The following DMD variants were observed in gnomAD, a reference collection of about 807,000 sequenced individuals.
DMD encodes the protein dystrophin.
Under a neutral mutation model 330.1 loss-of-function variants are expected in DMD, and 63 were observed. The observed-to-expected ratio is 0.19, with a 90% confidence interval of 0.16 to 0.24. The LOEUF is 0.24. DMD is among the 10% of genes least tolerant of loss of function. DMD has a pLI of 1.00. For missense variants in DMD, 3,344 were observed against 2,684.1 expected, an observed-to-expected ratio of 1.25 and a Z score of -5.43; for synonymous variants, 1,223 against 959.8, an observed-to-expected ratio of 1.27 and a Z score of -5.07.
At chrX:31,596,065 A>C (rs2148170083) in intron 55 of DMD, among the ~76,000 whole-genome samples, 1 of 111,696 alleles carries the variant, frequency 9.0e-6, no homozygotes, top group Admixed American at 9.6e-5. Context: ...AAAAAGCTCA[A>C]ATCACAAAAG....
At chrX:32,862,087 A>T (rs1008708805) in intron 2 of DMD, among the ~76,000 whole-genome samples, 2 of 111,792 alleles carry the variant, frequency 1.8e-5, no homozygotes, top group African/African-American at 6.5e-5. Context: ...GTAGGTATTT[A>T]TTCATTATTC....
At chrX:33,091,425 T>G (rs1299754341) in intron 1 of DMD, among the ~76,000 whole-genome samples, 1 of 111,789 alleles carries the variant, frequency 8.9e-6, no homozygotes, top group Non-Finnish European at 1.9e-5. Flanking sequence ...TGTAAAAGGT[T>G]GTATGTAAAG....
chrX:31,266,159 C>CAAAAACAAAAAAA (rs2051053102), intron 62 of DMD, among the ~76,000 whole-genome samples: 1 of 13,333 alleles, frequency 7.5e-5, no homozygotes, highest in African/African-American at 3.7e-4. Context: ...TCCCGAAGGG[C>CAAAAACAAAAAAA]AAAAAAAAAA....
chrX:33,193,106 A>G (rs1219029916), intron 1 of DMD, among the ~76,000 whole-genome samples: 2 of 111,944 alleles, frequency 1.8e-5, no homozygotes, highest in Admixed American at 9.5e-5. Context: ...CAGAAGTTCA[A>G]GACCAGCCTG....
At chrX:32,335,533 A>G (rs1218245538) in intron 41 of DMD, among the ~76,000 whole-genome samples, 1 of 102,546 alleles carries the variant, frequency 9.8e-6, no homozygotes, top group Admixed American at 1.1e-4. Flanking sequence ...TATATATAAA[A>G]CATGTTATAT....
intron 52 of DMD, among the ~76,000 whole-genome samples, chrX:31,726,975 C>T (rs747040789): frequency 1.8e-5 from 2 of 110,995 alleles, no homozygotes; most frequent in Non-Finnish European, 3.8e-5. Context: ...ACTTGCCCTC[C>T]GGTCATTCAA....
intron 43 of DMD, among the ~76,000 whole-genome samples, chrX:32,243,928 T>C (rs974001068): frequency 2.9e-5 from 3 of 101,797 alleles, no homozygotes; most frequent in Non-Finnish European, 5.9e-5. Context: ...CTTGCATTTG[T>C]ATGAAAATTC....
Position 31,830,611 on chromosome X carries a change from C to A in DMD, c.7200+6107G>T, listed in dbSNP as rs765545678. Among the ~76,000 whole-genome samples the A allele has an allele frequency of 3.0e-3, 340 of 111,728 alleles. 1 individual carries two copies. The highest frequency in any genetic ancestry group is 0.011 in the African/African-American group (326 of 30,786). On this transcript the variant is annotated intron_variant, in intron 49 of 78. Coordinates refer to ENST00000357033, the MANE Select transcript of DMD (RefSeq NM_004006.3). ...CTCCGTCTCAAAAACAAACAAACAA[C>A]CAAAATCATATCTAAGAAAAATGAA... is the stretch of plus-strand genomic sequence containing the variant.
At chrX:32,744,082 C>T (rs2069661847) in intron 7 of DMD, among the ~76,000 whole-genome samples, 1 of 110,920 alleles carries the variant, frequency 9.0e-6, no homozygotes. Context: ...TCTTTAAACC[C>T]TCTCTCACCA....
chrX:32,737,238 C>T (rs921263805), intron 7 of DMD, among the ~76,000 whole-genome samples: 8 of 110,836 alleles, frequency 7.2e-5, no homozygotes, highest in African/African-American at 2.3e-4. Flanking sequence ...ATACATGTTT[C>T]ACTTGGAATA....
intron 47 of DMD, among the ~76,000 whole-genome samples, chrX:31,914,990 A>C (rs775275307): frequency 2.7e-4 from 30 of 112,508 alleles, no homozygotes; most frequent in Non-Finnish European, 1.9e-4. Flanking sequence ...AAAACATCTC[A>C]AGTACCCCAT....
At chrX:32,749,329 C>T (rs965279886) in intron 7 of DMD, among the ~76,000 whole-genome samples, 1 of 112,010 alleles carries the variant, frequency 8.9e-6, no homozygotes, top group Non-Finnish European at 1.9e-5. Context: ...TCATTAAATA[C>T]AATTCTGTCT....
intron 17 of DMD, among the ~76,000 whole-genome samples, chrX:32,538,926 A>T (rs1198282243): frequency 9.1e-6 from 1 of 110,212 alleles, no homozygotes; most frequent in Non-Finnish European, 1.9e-5. Flanking sequence ...AGGTTTGGGA[A>T]GGGCCCTCCA....
chrX:31,981,472 A>C (rs2095475611), intron 44 of DMD, among the ~76,000 whole-genome samples: 1 of 111,556 alleles, frequency 9.0e-6, no homozygotes, highest in South Asian at 3.8e-4. Flanking sequence ...CTGAGGGCAA[A>C]TATTAGAAGA....
chrX:31,713,348 A>G (rs1358211564), intron 52 of DMD, among the ~76,000 whole-genome samples: 1 of 111,965 alleles, frequency 8.9e-6, no homozygotes, highest in African/African-American at 3.2e-5. Flanking sequence ...TGGAAAATCT[A>G]TGATGAAACA....
intron 50 of DMD, among the ~76,000 whole-genome samples, chrX:31,803,660 C>CTCTCTCTT (rs1331494823): frequency 7.5e-5 from 6 of 79,504 alleles, no homozygotes; most frequent in African/African-American, 2.8e-4. Context: ...TTGTCTTCCT[C>CTCTCTCTT]TCTCTCTTTC....
intron 54 of DMD, among the ~76,000 whole-genome samples, chrX:31,648,755 C>T (rs1231385198): frequency 9.6e-6 from 1 of 104,044 alleles, no homozygotes; most frequent in African/African-American, 3.5e-5. Flanking sequence ...CTCATTAATA[C>T]CTATATGTCC....
chrX:32,461,966 AT>A (rs1026161515), intron 25 of DMD, among the ~76,000 whole-genome samples: 8 of 107,596 alleles, frequency 7.4e-5, no homozygotes, highest in Admixed American at 1.0e-4. Context: ...GACTTTTCTA[AT>A]TTTTTTTTTC....
intron 8 of DMD, among the ~76,000 whole-genome samples, chrX:32,698,892 G>T (rs1029737037): frequency 9.0e-6 from 1 of 110,848 alleles, no homozygotes; most frequent in Non-Finnish European, 1.9e-5. Flanking sequence ...TGGTACATAT[G>T]AATAGTATTT....
Sources: allele counts gnomAD v4.1 joint callset (sites outside exome capture counted in the v4.1 genomes callset), GRCh38; gene constraint gnomAD v4.1.1; transcripts MANE v1.5; gene names NCBI Gene and HGNC (gene_info 2026-07-23, HGNC 2026-07-21).